The following TULP4 variants were observed in gnomAD, a reference collection of about 807,000 sequenced individuals.
TULP4 encodes the protein TUB like protein 4.
Under a neutral mutation model 129.0 loss-of-function variants are expected in TULP4, and 16 were observed. The ratio of observed to expected loss-of-function variants is 0.12; its 90% confidence interval spans 0.08 to 0.19. The LOEUF is 0.19. Among genes scored for constraint, TULP4 ranks in the 10% least tolerant of loss-of-function variants. The pLI is 1.00. For missense variants in TULP4, 1,842 were observed against 2,059.1 expected (o/e 0.89, Z 2.04); for synonymous variants, 998 against 854.0 (o/e 1.17, Z -2.94).
chr6:158,409,283 A>T (rs2114999565), intron 1 of TULP4, among the ~76,000 whole-genome samples: 1 of 152,316 alleles, frequency 6.6e-6, no homozygotes, highest in East Asian at 1.9e-4. Context: ...ACACTCTAAA[A>T]TGAGAGAACA....
chr6:158,385,175 G>T (rs1777411548), intron 1 of TULP4, among the ~76,000 whole-genome samples: 1 of 152,040 alleles, frequency 6.6e-6, no homozygotes, highest in Non-Finnish European at 1.5e-5. Context: ...TCACCTATTG[G>T]CTTTCTCCCT....
intron 6 of TULP4, among the ~76,000 whole-genome samples, chr6:158,477,872 G>A (rs1010777999): frequency 1.3e-5 from 2 of 152,290 alleles, no homozygotes; most frequent in South Asian, 4.1e-4. Context: ...CCCATCAGCA[G>A]TAGACTGGAT....
chr6:158,233,124 T>C (rs1342530042), intron 1 of TULP4, among the ~76,000 whole-genome samples: 1 of 152,186 alleles, frequency 6.6e-6, no homozygotes, highest in East Asian at 1.9e-4. Flanking sequence ...TCTGGCTTTG[T>C]GGAAGGAAAC....
At chr6:158,249,191 T>C (rs1292940745) in intron 1 of TULP4, among the ~76,000 whole-genome samples, 1 of 152,136 alleles carries the variant, frequency 6.6e-6, no homozygotes, top group Non-Finnish European at 1.5e-5. Context: ...TACAAGTGAT[T>C]TGAGCCTTTA....
At chr6:158,499,461 TG>T (rs1343363078) in intron 12 of TULP4, among the ~76,000 whole-genome samples, 1 of 152,176 alleles carries the variant, frequency 6.6e-6, no homozygotes, top group Non-Finnish European at 1.5e-5. Flanking sequence ...TGTTTCCCAG[TG>T]GGGGGATTCT....
At chr6:158,396,426 T>C (rs985920062) in intron 1 of TULP4, among the ~76,000 whole-genome samples, 27 of 152,200 alleles carry the variant, frequency 1.8e-4, no homozygotes, top group Admixed American at 1.8e-3. Flanking sequence ...GTCCATTTTA[T>C]CAAATCAAAT....
intron 1 of TULP4, among the ~76,000 whole-genome samples, chr6:158,327,329 C>T (rs1245973579): frequency 6.6e-6 from 1 of 151,982 alleles, no homozygotes; most frequent in Non-Finnish European, 1.5e-5. Flanking sequence ...AGGTAGAGAC[C>T]CATTTGGTGG....
At position 158,413,314 on chromosome 6, in the gene TULP4, G is replaced by A. The variant is rs1470452470; in HGVS notation, c.381+121G>A. On this transcript the variant is annotated intron_variant, in intron 2 of 13. Transcript: ENST00000367097. The surrounding 1 kb of genome is among the most constrained non-coding windows in gnomAD (Gnocchi z 4.9). ...CACGTGCTCCAGAGCTGGGGGAAGAGAAATCAATCAAATTAGAATCCTACT... is the reference window on the plus strand; with the variant it reads ...CACGTGCTCCAGAGCTGGGGGAAGAAAAATCAATCAAATTAGAATCCTACT... 1.7e-6 allele frequency: 2 copies of A among 1,169,740 alleles called. No homozygotes were observed. Among genetic ancestry groups the A allele is most frequent in the Non-Finnish European group, 2.3e-6 (2 of 868,348 alleles). 72.5% of individuals were successfully genotyped at this position (1,169,740 alleles called of 1,614,324 possible).
Position 158,350,411 on chromosome 6 carries a change from C to T in TULP4, c.252+36143C>T, listed in dbSNP as rs556418306. On this transcript the variant is annotated intron_variant, in intron 1 of 13. Coordinates refer to ENST00000367097, the MANE Select transcript of TULP4 (RefSeq NM_020245.5). ...GGGAGGTTGTAGCAAGCCGAGATCACGCCACTGCACTCCAGCCTGGGCAAC... is the reference window on the plus strand; with the variant it reads ...GGGAGGTTGTAGCAAGCCGAGATCATGCCACTGCACTCCAGCCTGGGCAAC... Among the ~76,000 whole-genome samples the T allele has an allele frequency of 1.7e-4, 26 of 152,312 alleles. No individual in the cohort carries two copies. In the South Asian group the frequency reaches 3.1e-3, roughly 18 times the overall value.
intron 1 of TULP4, among the ~76,000 whole-genome samples, chr6:158,239,832 C>T (rs1229475733): frequency 2.6e-5 from 2 of 77,772 alleles, no homozygotes. Flanking sequence ...CCCCACCTCC[C>T]TCCCGGACGG....
chr6:158,396,066 C>T (rs986169108), intron 1 of TULP4, among the ~76,000 whole-genome samples: 9 of 152,136 alleles, frequency 5.9e-5, no homozygotes, highest in Admixed American at 5.2e-4. Flanking sequence ...TCAGTTTTCT[C>T]AGTGCTAAAA....
intron 6 of TULP4, among the ~76,000 whole-genome samples, chr6:158,464,492 C>A (rs999959452): frequency 2.0e-5 from 3 of 152,154 alleles, no homozygotes; most frequent in South Asian, 2.1e-4. Context: ...TGCAACACCC[C>A]CCGCCGCAAG....
At chr6:158,363,927 C>A (rs1780858989) in intron 1 of TULP4, among the ~76,000 whole-genome samples, 1 of 151,936 alleles carries the variant, frequency 6.6e-6, no homozygotes, top group Admixed American at 6.6e-5. Flanking sequence ...CACAGAATTT[C>A]TCTTTATTTA....
chr6:158,291,122 C>T (rs952860106), intron 1 of TULP4, among the ~76,000 whole-genome samples: 1 of 152,158 alleles, frequency 6.6e-6, no homozygotes, highest in African/African-American at 2.4e-5. Context: ...TTTGAACAGA[C>T]ATTGTTTAAT....
In TULP4 at chr6:158,449,074, G is replaced by C; in HGVS notation, c.622G>C (p.Glu208Gln). 1.9e-6 allele frequency: 3 copies of C among 1,614,038 alleles called. No homozygotes were observed. Among genetic ancestry groups the C allele is most frequent in the Non-Finnish European group, 2.5e-6 (3 of 1,179,964 alleles). The stretch of plus-strand genomic sequence containing the variant: ...AATGCTGGCCCACGTCCTCTTGCAC[G>C]AGTCAGACGGTGTCCTCGGCATGTC... Reference protein sequence around the residue: ...GRMLAHVLLHESDGVLGMSWN... With the variant: ...GRMLAHVLLHQSDGVLGMSWN... Residue 208 changes from glutamate to glutamine, a missense_variant, in exon 4 of 14, where the codon GAG becomes CAG. Physicochemically the swap from Glu to Gln is conservative, Grantham distance 29. Around this residue, in one of 5 missense-constraint regions of TULP4, gnomAD observed 456 missense variants for 534.3 expected, o/e 0.85. Coordinates refer to ENST00000367097, the MANE Select transcript of TULP4 (RefSeq NM_020245.5).
chr6:158,328,885 A>G (rs546885173), intron 1 of TULP4, among the ~76,000 whole-genome samples: 3 of 152,214 alleles, frequency 2.0e-5, no homozygotes, highest in Non-Finnish European at 4.4e-5. Context: ...GGTTTTAGTC[A>G]GAAACACAGA....
intron 1 of TULP4, among the ~76,000 whole-genome samples, chr6:158,352,128 T>A (rs1271244417): frequency 6.6e-6 from 1 of 152,188 alleles, no homozygotes; most frequent in Non-Finnish European, 1.5e-5. Flanking sequence ...GGGGCTGCAG[T>A]CTCAAAAGTG....
At chr6:158,294,385 AT>A (rs1778995157) in intron 1 of TULP4, among the ~76,000 whole-genome samples, 1 of 151,622 alleles carries the variant, frequency 6.6e-6, no homozygotes, top group African/African-American at 2.4e-5. Context: ...AAAAAAAAAA[AT>A]AAATAAAGCA....
chr6:158,461,828 C>A, intron 6 of TULP4, 99 bp downstream of exon 6: 1 of 1,390,994 alleles, frequency 7.2e-7, no homozygotes, highest in South Asian at 1.5e-5. Flanking sequence ...TCTTTTTTTA[C>A]CTTAGGTTGT....
Sources: allele counts gnomAD v4.1 joint callset (sites outside exome capture counted in the v4.1 genomes callset), GRCh38; gene constraint gnomAD v4.1.1; regional missense constraint gnomAD v4.1.1; non-coding constraint Gnocchi (gnomAD v3.1); transcripts MANE v1.5; gene names NCBI Gene and HGNC (gene_info 2026-07-23, HGNC 2026-07-21).